The following PHLDB1 variants were observed in gnomAD, a reference collection of about 807,000 sequenced individuals.
PHLDB1 encodes the protein pleckstrin homology like domain family B member 1.
A neutral mutation model predicts 139.3 loss-of-function variants in PHLDB1; 65 were observed. The ratio of observed to expected loss-of-function variants is 0.47; its 90% CI spans 0.38 to 0.57. PHLDB1 has a LOEUF of 0.57. Ranked by LOEUF, PHLDB1 falls within the 20% of genes least tolerant of loss-of-function variation. The pLI is 0.00. For synonymous variants in PHLDB1, 679 were observed against 734.5 expected, an observed-to-expected ratio of 0.92 and a Z score of 1.22; for missense variants, 1,624 against 1,839.7, an observed-to-expected ratio of 0.88 and a Z score of 2.14.
intron 6 of PHLDB1, among the ~76,000 whole-genome samples, chr11:118,630,676 A>G (rs1236377734): frequency 6.6e-6 from 1 of 152,034 alleles, no homozygotes. Context: ...GTACTTGCCT[A>G]TTAATGCAGG....
chr11:118,639,024 G>A (rs377752442), intron 11 of PHLDB1, 23 bp downstream of exon 11: 23 of 1,600,468 alleles, frequency 1.4e-5, no homozygotes, highest in East Asian at 1.3e-4. Flanking sequence ...AGGTTGGGCC[G>A]GGAGATTTGG....
At position 118,620,581 on chromosome 11, in the gene PHLDB1, A is replaced by G. The variant is rs1555093883; in HGVS notation, c.356-4353A>G. 5.9e-5 allele frequency among the ~76,000 whole-genome samples: 9 copies of G among 152,204 alleles called. No individual in the cohort carries two copies. On this transcript the variant is annotated intron_variant, in intron 4 of 22. Transcript: ENST00000600882. This position sits in a 1 kb window ranked among gnomAD's most constrained non-coding sequence, Gnocchi z 4.1. Reference sequence around the variant, plus strand: ...GGCTCCAGATATCTGTTTCCCAAGTAGGATGGGTACCTTATTGGGGTCGGA... The same window carrying G: ...GGCTCCAGATATCTGTTTCCCAAGTGGGATGGGTACCTTATTGGGGTCGGA...
In PHLDB1 at chr11:118,645,014, A is replaced by C; in HGVS notation, c.3122-342A>C. 1 of 346,818 alleles carries C rather than the reference A, an allele frequency of 2.9e-6. No individual in the cohort carries two copies. Among genetic ancestry groups the C allele is most frequent in the Admixed American group, 4.6e-5 (1 of 21,646 alleles). 21.5% of individuals were successfully genotyped at this position (346,818 alleles called of 1,614,324 possible). A position where few individuals can be genotyped will look rare whatever the true frequency, so the allele number is the denominator to read the frequency against. On this transcript the variant is annotated intron_variant, in intron 15 of 22. Coordinates refer to ENST00000600882, the MANE Select transcript of PHLDB1 (RefSeq NM_001144758.3). This position sits in a 1 kb window ranked among gnomAD's most constrained non-coding sequence, Gnocchi z 5.1. ...TCCAGCAGGCAGGGTGGGTGCATGT[A>C]TCCTGCCTAGACCTACTTAGGCCTT...
intron 6 of PHLDB1, chr11:118,630,069 AG>A (rs1459769580): frequency 3.1e-6 from 4 of 1,281,352 alleles, no homozygotes; most frequent in Non-Finnish European, 4.1e-6. Flanking sequence ...GGCAAGCAAC[AG>A]GAGGGAAGCT....
intron 18 of PHLDB1, among the ~76,000 whole-genome samples, chr11:118,648,315 GTGTGTGTGTT>G (rs1159453468): frequency 1.2e-4 from 16 of 136,778 alleles, no homozygotes; most frequent in African/African-American, 3.7e-4. Flanking sequence ...GTGTGTGTGT[GTGTGTGTGTT>G]TGTGTGCTGG....
At position 118,643,868 on chromosome 11, in the gene PHLDB1, C is replaced by T. The variant is rs1195742809; in HGVS notation, c.2946C>T (p.Pro982=). 1 of 1,613,188 alleles carries T rather than the reference C, an allele frequency of 6.2e-7. No individual in the cohort carries two copies. Among genetic ancestry groups the T allele is most frequent in the Non-Finnish European group, 8.5e-7 (1 of 1,179,564 alleles). ...CCCGGACCCGCAGCGGCCCCCTCCC[C>T]TCCTCCTCTGGCTCTTCCTCCTCCT... ...PLPRTRSGPL[P]SSSGSSSSSS... is the part of the protein sequence containing the mutation. The change falls in exon 14 of 23, where the codon CCC becomes CCT. Residue 982 remains proline (P), a synonymous_variant. Coordinates refer to ENST00000600882, the MANE Select transcript of PHLDB1 (RefSeq NM_001144758.3).
intron 1 of PHLDB1, among the ~76,000 whole-genome samples, chr11:118,609,280 A>T (rs1167558801): frequency 2.3e-5 from 3 of 128,706 alleles, no homozygotes; most frequent in African/African-American, 9.5e-5. Context: ...AGCCCAGCTC[A>T]CACACACAGC....
chr11:118,631,610 G>A (rs1555110642), intron 7 of PHLDB1, 131 bp downstream of exon 7: 1 of 816,912 alleles, frequency 1.2e-6, no homozygotes, highest in Non-Finnish European at 1.8e-6. Context: ...GAGAGCAGAG[G>A]TGCAGAAATG....
At chr11:118,626,719 G>A (rs933822765) in intron 5 of PHLDB1, among the ~76,000 whole-genome samples, 3 of 150,386 alleles carry the variant, frequency 2.0e-5, no homozygotes, top group African/African-American at 4.9e-5. Flanking sequence ...GTGTCACCCA[G>A]GCAGTTCTCA....
chr11:118,656,861 T>C lies in PHLDB1; in HGVS notation c.*38T>C. 1 of 1,576,318 alleles carries C rather than the reference T, an allele frequency of 6.3e-7. No individual in the cohort carries two copies. The highest frequency in any genetic ancestry group is 8.7e-7 in the Non-Finnish European group (1 of 1,151,892). ...TCCTGGCAGAGCACAACTGGGGCTT[T>C]TGTATAAGAAGACTTTAATATTCTG... is the stretch of plus-strand genomic sequence containing the variant. On this transcript the variant is annotated 3_prime_UTR_variant, in exon 23 of 23. Transcript: ENST00000600882.
chr11:118,624,572 TTC>T, intron 4 of PHLDB1: 2 of 243,984 alleles, frequency 8.2e-6, no homozygotes, highest in South Asian at 4.3e-5. Context: ...TCCAAGTGTT[TTC>T]TCTCTTTCTT....
chr11:118,647,880 T>A, intron 17 of PHLDB1, 50 bp from the exon 18 acceptor site: 1 of 1,535,700 alleles, frequency 6.5e-7, no homozygotes, highest in Non-Finnish European at 8.8e-7. Context: ...AGAGGGCCAG[T>A]GGGGGGAAGA....
intron 4 of PHLDB1, among the ~76,000 whole-genome samples, chr11:118,617,668 C>T (rs536237799): frequency 1.3e-5 from 2 of 151,922 alleles, no homozygotes; most frequent in Admixed American, 6.6e-5. Context: ...TTCCTGCCCT[C>T]GGGTAGGGGG....
At chr11:118,629,289 C>T (rs1019590929) in intron 6 of PHLDB1, among the ~76,000 whole-genome samples, 2 of 152,204 alleles carry the variant, frequency 1.3e-5, no homozygotes, top group African/African-American at 4.8e-5. Context: ...CGTTAGCCAG[C>T]CTGTGTAATT....
chr11:118,613,270 T>G (rs1591443388), intron 1 of PHLDB1: 1 of 984,334 alleles, frequency 1.0e-6, no homozygotes, highest in African/African-American at 1.8e-5. Flanking sequence ...AATGGCTGAG[T>G]TTTTCTTTTG....
intron 13 of PHLDB1, 142 bp from the exon 14 acceptor site, chr11:118,643,658 C>T: frequency 6.5e-7 from 1 of 1,542,632 alleles, no homozygotes. Context: ...ATTGGGCTGG[C>T]TCAGGAGGCT....
rs916932353 is a variant in PHLDB1 at position 118,644,606 on chromosome 11, G to A, written c.3121+432G>A. ...GCCTCTCTCTCCTCTTACCCCCTCT[G>A]TGTCTCTACCGTACCCTCTGCCTGG... On this transcript the variant is annotated intron_variant, in intron 15 of 22. Transcript: ENST00000600882. 9 of 1,251,732 alleles carry A rather than the reference G, an allele frequency of 7.2e-6. No individual in the cohort carries two copies. The African/African-American group carries it at 1.2e-4, about 17-fold the overall frequency. 77.5% of individuals were successfully genotyped at this position (1,251,732 alleles called of 1,614,324 possible). A position where few individuals can be genotyped will look rare whatever the true frequency, so the allele number is the denominator to read the frequency against.
Position 118,638,902 on chromosome 11 carries a change from C to T in PHLDB1, c.2547C>T (p.Ala849=). 6.2e-7 allele frequency: 1 copy of T among 1,610,708 alleles called. No homozygotes were observed. Among genetic ancestry groups the T allele is most frequent in the Non-Finnish European group, 8.5e-7 (1 of 1,178,280 alleles). Residue 849 remains alanine, a synonymous_variant, in exon 11 of 23, where the codon GCC becomes GCT. Transcript: ENST00000600882. ...CCCATCTCCTTTAGGAGCGCCTGGC[C>T]ATCCTGGACAGTCAGGCTGGGCAGA... is the stretch of plus-strand genomic sequence containing the variant. ...RSIAKRKERL[A]ILDSQAGQIR... is the part of the protein sequence containing the mutation.
At chr11:118,639,281 G>T in intron 12 of PHLDB1, 30 bp downstream of exon 12, 4 of 1,551,276 alleles carry the variant, frequency 2.6e-6, no homozygotes, top group Non-Finnish European at 3.6e-6. Flanking sequence ...CCCAGCTTCA[G>T]GCCCAAGGCG....
Sources: allele counts gnomAD v4.1 joint callset (sites outside exome capture counted in the v4.1 genomes callset), GRCh38; gene constraint gnomAD v4.1.1; non-coding constraint Gnocchi (gnomAD v3.1); transcripts MANE v1.5; gene names NCBI Gene and HGNC (gene_info 2026-07-23, HGNC 2026-07-21).